Variants in RFX3 observed in about 807,000 individuals in gnomAD.
The protein encoded by RFX3 is transcription factor RFX3.
In RFX3, 14 loss-of-function variants were observed where a neutral mutation model predicts 98.6. The ratio of observed to expected loss-of-function variants is 0.14; its 90% CI spans 0.09 to 0.22. The LOEUF (loss-of-function observed/expected upper bound fraction) is 0.22. RFX3 is among the 10% of genes least tolerant of loss of function. The pLI is 1.00. For missense variants in RFX3, 639 were observed against 926.9 expected (o/e 0.69, Z 4.03); for synonymous variants, 383 against 328.4 (o/e 1.17, Z -1.80).
intron 1 of RFX3, among the ~76,000 whole-genome samples, chr9:3,521,517 G>A (rs1458223859): frequency 6.6e-6 from 1 of 152,094 alleles, no homozygotes; most frequent in Non-Finnish European, 1.5e-5. Flanking sequence ...GCACCCTCTG[G>A]TGCATCTGTT....
At position 3,254,201 on chromosome 9, in the gene RFX3, T is replaced by C. The variant is rs75928305; in HGVS notation, c.1814+2790A>G. Among the ~76,000 whole-genome samples the C allele has an allele frequency of 6.5e-3, 985 of 151,636 alleles. 3 individuals carry two copies. The highest frequency in any genetic ancestry group is 0.023 in the African/African-American group (929 of 41,270). The stretch of plus-strand genomic sequence containing the variant: ...TAAGTAATTTTCTCTCCCTTCAAGA[T>C]ACCTGCAACAGATCTCTGTGGAGAT... On this transcript the variant is annotated intron_variant, in intron 14 of 16. Transcript: ENST00000617270.
At chr9:3,293,408 T>G in intron 5 of RFX3, 150 bp from the exon 6 acceptor site, 1 of 559,680 alleles carries the variant, frequency 1.8e-6, no homozygotes, top group South Asian at 3.1e-5. Flanking sequence ...AAGGTGGTAA[T>G]CTGCCTTTGA....
At chr9:3,283,391 T>A (rs1412149826) in intron 7 of RFX3, among the ~76,000 whole-genome samples, 1 of 151,802 alleles carries the variant, frequency 6.6e-6, no homozygotes, top group African/African-American at 2.4e-5. Context: ...GATAGTCTAT[T>A]ATGAATTTCT....
chr9:3,316,985 T>C (rs199826966), intron 4 of RFX3, among the ~76,000 whole-genome samples: 2 of 152,012 alleles, frequency 1.3e-5, no homozygotes, highest in Admixed American at 6.6e-5. Flanking sequence ...ATCAAACTAC[T>C]ACTGACTTTC....
chr9:3,341,267 T>G (rs201928647), intron 3 of RFX3, among the ~76,000 whole-genome samples: 3 of 150,362 alleles, frequency 2.0e-5, no homozygotes, highest in African/African-American at 7.3e-5. Flanking sequence ...GGTTGGGGGA[T>G]GGGGGAGGGA....
At chr9:3,470,155 A>G (rs1323346266) in intron 1 of RFX3, among the ~76,000 whole-genome samples, 1 of 152,192 alleles carries the variant, frequency 6.6e-6, no homozygotes, top group Non-Finnish European at 1.5e-5. Context: ...TGGTAAGTTA[A>G]AACAACAATG....
chr9:3,454,408 C>A (rs1846962862), intron 1 of RFX3, among the ~76,000 whole-genome samples: 2 of 152,110 alleles, frequency 1.3e-5, no homozygotes, highest in South Asian at 2.1e-4. Context: ...TAATTCTTTG[C>A]TTTAGATTTT....
chr9:3,296,397 G>C (rs1005578213), intron 5 of RFX3, among the ~76,000 whole-genome samples: 1 of 151,782 alleles, frequency 6.6e-6, no homozygotes, highest in Admixed American at 6.6e-5. Context: ...GGCTATGCAG[G>C]CCACTGAAAT....
intron 1 of RFX3, among the ~76,000 whole-genome samples, chr9:3,466,951 G>C (rs1246302177): frequency 6.7e-6 from 1 of 149,358 alleles, no homozygotes; most frequent in Non-Finnish European, 1.5e-5. Flanking sequence ...GTATTCATAT[G>C]CATAAAGCCC....
intron 2 of RFX3, 40 bp downstream of exon 2, chr9:3,395,432 G>A (rs1384652563): frequency 1.2e-6 from 2 of 1,602,752 alleles, no homozygotes; most frequent in East Asian, 2.2e-5. Context: ...CCAACATAAT[G>A]AAAGTAACAG....
intron 1 of RFX3, among the ~76,000 whole-genome samples, chr9:3,423,557 T>C (rs73385684): frequency 0.011 from 1,612 of 151,926 alleles, 29 homozygotes; most frequent in African/African-American, 0.037. Context: ...ATTAATCCAT[T>C]TATGTGAAAT....
At chr9:3,279,171 G>A (rs1015538490) in intron 7 of RFX3, among the ~76,000 whole-genome samples, 1 of 151,762 alleles carries the variant, frequency 6.6e-6, no homozygotes, top group Non-Finnish European at 1.5e-5. Context: ...CAGAGCAGTT[G>A]CTAGCCATTC....
intron 4 of RFX3, among the ~76,000 whole-genome samples, chr9:3,327,554 ACT>A (rs967521592): frequency 3.9e-5 from 6 of 152,094 alleles, no homozygotes; most frequent in African/African-American, 1.4e-4. Context: ...TACAAAAGTT[ACT>A]TTTTTTTTAA....
intron 3 of RFX3, among the ~76,000 whole-genome samples, chr9:3,338,450 T>C (rs1218468652): frequency 6.6e-6 from 1 of 152,238 alleles, no homozygotes; most frequent in Admixed American, 6.5e-5. Context: ...ATGTACAGCA[T>C]ACTGGAATCA....
chr9:3,464,227 T>C (rs901337350), intron 1 of RFX3, among the ~76,000 whole-genome samples: 8 of 152,156 alleles, frequency 5.3e-5, no homozygotes, highest in African/African-American at 1.7e-4. Flanking sequence ...GGCAGTTACT[T>C]CGAAAAGTTA....
intron 4 of RFX3, among the ~76,000 whole-genome samples, chr9:3,316,106 C>T (rs1310244462): frequency 6.6e-6 from 1 of 152,166 alleles, no homozygotes; most frequent in African/African-American, 2.4e-5. Flanking sequence ...CGCTGATGAA[C>T]ATCGATGCAA....
At chr9:3,231,497 G>A (rs1049123356) in intron 15 of RFX3, among the ~76,000 whole-genome samples, 1 of 152,160 alleles carries the variant, frequency 6.6e-6, no homozygotes, top group Non-Finnish European at 1.5e-5. Context: ...AAATATTCCT[G>A]TCTTCAGGAG....
At chr9:3,375,917 G>A (rs568385553) in intron 2 of RFX3, among the ~76,000 whole-genome samples, 37 of 151,818 alleles carry the variant, frequency 2.4e-4, no homozygotes, top group African/African-American at 7.2e-4. Context: ...CTGAGATAGC[G>A]CCACTGCACT....
intron 4 of RFX3, among the ~76,000 whole-genome samples, chr9:3,320,215 A>T (rs1831101405): frequency 6.6e-6 from 1 of 152,178 alleles, no homozygotes; most frequent in African/African-American, 2.4e-5. Flanking sequence ...TAATATATTC[A>T]CATGCCTCCC....
Sources: gnomAD v4.1 joint callset for allele counts (sites outside exome capture counted in the v4.1 genomes callset) on GRCh38, gnomAD v4.1.1 for gene constraint, MANE v1.5 for transcripts, NCBI Gene and HGNC (gene_info 2026-07-23, HGNC 2026-07-21) for gene names.